The following CCM2 variants were observed in gnomAD, a reference collection of about 807,000 sequenced individuals.
CCM2 encodes the protein CCM2 scaffold protein, also known as cerebral cavernous malformations 2 protein.
Under a neutral mutation model 44.9 loss-of-function variants are expected in CCM2, and 25 were observed. The ratio of observed to expected loss-of-function variants is 0.56; its 90% CI spans 0.41 to 0.78. The LOEUF (loss-of-function observed/expected upper bound fraction) is 0.78. CCM2 is among the 30% of genes least tolerant of loss of function. The pLI is 0.00. For missense variants in CCM2, 481 were observed against 580.6 expected (o/e 0.83, Z 1.76); for synonymous variants, 219 against 241.1 (o/e 0.91, Z 0.85).
At chr7:45,019,208 A>T (rs1321208730) in intron 1 of CCM2, among the ~76,000 whole-genome samples, 1 of 151,914 alleles carries the variant, frequency 6.6e-6, no homozygotes, top group Admixed American at 6.6e-5. Context: ...AGTAGCCGGG[A>T]CTACAGGCAT....
chr7:45,045,127 A>G (rs1797690229), intron 2 of CCM2, among the ~76,000 whole-genome samples: 1 of 152,218 alleles, frequency 6.6e-6, no homozygotes, highest in African/African-American at 2.4e-5. Flanking sequence ...TTCAACAAAT[A>G]TATGTTGAAC....
chr7:45,059,754 G>GTA (rs899381939), intron 2 of CCM2, among the ~76,000 whole-genome samples: 33 of 151,916 alleles, frequency 2.2e-4, no homozygotes, highest in East Asian at 9.7e-4. Context: ...GTGTATGTGT[G>GTA]TATATATATA....
intron 2 of CCM2, among the ~76,000 whole-genome samples, chr7:45,054,877 G>A (rs926153149): frequency 3.3e-5 from 5 of 152,184 alleles, no homozygotes; most frequent in South Asian, 2.1e-4. Flanking sequence ...GGCAGATGGG[G>A]AGCCCATTTT....
intron 1 of CCM2, among the ~76,000 whole-genome samples, chr7:45,019,499 G>C (rs1317079107): frequency 6.6e-6 from 1 of 152,106 alleles, no homozygotes; most frequent in Admixed American, 6.5e-5. Flanking sequence ...ATAGTCTCAA[G>C]TGTTTAAGGT....
chr7:45,024,356 C>G (rs1373849855), intron 1 of CCM2, among the ~76,000 whole-genome samples: 1 of 152,208 alleles, frequency 6.6e-6, no homozygotes, highest in Non-Finnish European at 1.5e-5. Flanking sequence ...AGTCAAGGCC[C>G]AAGAAACATG....
chr7:45,046,399 GAC>G (rs1275021674), intron 2 of CCM2, among the ~76,000 whole-genome samples: 4 of 152,342 alleles, frequency 2.6e-5, no homozygotes, highest in East Asian at 1.9e-4. Flanking sequence ...CAGAGGGACT[GAC>G]ACAGAGATCA....
intron 2 of CCM2, among the ~76,000 whole-genome samples, chr7:45,048,065 G>A (rs763325531): frequency 4.0e-4 from 56 of 139,706 alleles, no homozygotes; most frequent in Non-Finnish European, 7.6e-4. Flanking sequence ...ACAATTGGAA[G>A]TCAATATCTT....
At chr7:45,027,645 T>C in intron 1 of CCM2, 1 of 1,613,832 alleles carries the variant, frequency 6.2e-7, no homozygotes, top group East Asian at 2.2e-5. Context: ...GTCATGTTTT[T>C]TTCAGAGGGA....
chr7:45,018,233 G>C (rs1796343414), intron 1 of CCM2, among the ~76,000 whole-genome samples: 1 of 152,202 alleles, frequency 6.6e-6, no homozygotes, highest in African/African-American at 2.4e-5. Flanking sequence ...ACCTCCTGCT[G>C]TGTGCGGCCT....
intron 1 of CCM2, among the ~76,000 whole-genome samples, chr7:45,020,946 A>T (rs571570322): frequency 6.6e-6 from 1 of 152,312 alleles, no homozygotes; most frequent in South Asian, 2.1e-4. Context: ...TTTATTTCAA[A>T]CACTTGCTTA....
At chr7:45,054,192 G>C (rs896071808) in intron 2 of CCM2, among the ~76,000 whole-genome samples, 4 of 152,158 alleles carry the variant, frequency 2.6e-5, no homozygotes, top group African/African-American at 9.7e-5. Context: ...ATTCTGGGGA[G>C]AGCAAGCAGT....
chr7:45,025,478 G>C (rs923852128), intron 1 of CCM2, among the ~76,000 whole-genome samples: 1 of 151,396 alleles, frequency 6.6e-6, no homozygotes, highest in Non-Finnish European at 1.5e-5. Context: ...TTTTTATTTT[G>C]GCAGTCATAT....
intron 1 of CCM2, among the ~76,000 whole-genome samples, chr7:45,008,391 T>A (rs1795934998): frequency 7.3e-6 from 1 of 136,264 alleles, no homozygotes. Context: ...TTTGAGACAG[T>A]TTTGCTCTTG....
intron 2 of CCM2, among the ~76,000 whole-genome samples, chr7:45,054,562 C>T (rs1277518376): frequency 6.6e-6 from 1 of 152,098 alleles, no homozygotes; most frequent in Non-Finnish European, 1.5e-5. Flanking sequence ...TCCCCTACCC[C>T]ACCCCCTAGA....
intron 2 of CCM2, among the ~76,000 whole-genome samples, chr7:45,040,003 G>A (rs1196103772): frequency 6.6e-6 from 1 of 151,738 alleles, no homozygotes; most frequent in African/African-American, 2.4e-5. Flanking sequence ...CTCCAGCTTG[G>A]GTGAAAGAGT....
chr7:45,000,425 G>A (rs1795547578), intron 1 of CCM2, 62 bp downstream of exon 1: 2 of 461,518 alleles, frequency 4.3e-6, no homozygotes, highest in South Asian at 1.2e-4. Flanking sequence ...GAGGGGCCAG[G>A]GTGGGGTGGG....
chr7:45,030,938 G>A (rs986019035), intron 1 of CCM2, among the ~76,000 whole-genome samples: 4 of 151,984 alleles, frequency 2.6e-5, no homozygotes, highest in Admixed American at 2.0e-4. Flanking sequence ...TGGCCAGGGT[G>A]GTCTTGAACA....
intron 2 of CCM2, among the ~76,000 whole-genome samples, chr7:45,045,137 C>T (rs1797690767): frequency 6.6e-6 from 1 of 152,162 alleles, no homozygotes; most frequent in South Asian, 2.1e-4. Flanking sequence ...ATATGTTGAA[C>T]ACTTGCTCCA....
intron 1 of CCM2, among the ~76,000 whole-genome samples, chr7:45,002,248 G>A (rs567029410): frequency 4.6e-5 from 7 of 152,202 alleles, no homozygotes; most frequent in African/African-American, 1.7e-4. Flanking sequence ...CAGTTTGGAC[G>A]CTTAAATTCT....
Sources: allele counts gnomAD v4.1 joint callset (sites outside exome capture counted in the v4.1 genomes callset), GRCh38; gene constraint gnomAD v4.1.1; transcripts MANE v1.5; gene names NCBI Gene and HGNC (gene_info 2026-07-23, HGNC 2026-07-21).